SLC4A4: variants seen among roughly 807,000 people sequenced by gnomAD.
The protein encoded by SLC4A4 is electrogenic sodium bicarbonate cotransporter 1.
Under a neutral mutation model 111.5 loss-of-function variants are expected in SLC4A4, and 27 were observed. The ratio of observed to expected loss-of-function variants is 0.24; its 90% CI spans 0.18 to 0.33. SLC4A4 has a LOEUF of 0.33. Ranked by LOEUF, SLC4A4 falls within the 10% of genes least tolerant of loss-of-function variation. The pLI is 1.00. For missense variants in SLC4A4, 909 were observed against 1,315.5 expected, an observed-to-expected ratio of 0.69 and a Z score of 4.78; for synonymous variants, 443 against 463.4, an observed-to-expected ratio of 0.96 and a Z score of 0.57.
At chr4:71,463,157 C>T (rs982877061) in intron 12 of SLC4A4, among the ~76,000 whole-genome samples, 9 of 152,140 alleles carry the variant, frequency 5.9e-5, no homozygotes, top group Non-Finnish European at 1.0e-4. Flanking sequence ...TTTGTGGCAT[C>T]CTATTGCTCC....
intron 3 of SLC4A4, among the ~76,000 whole-genome samples, chr4:71,310,115 A>C (rs1249131266): frequency 6.6e-6 from 1 of 151,936 alleles, no homozygotes; most frequent in East Asian, 1.9e-4. Context: ...GAAATAAAGC[A>C]TGAAGACAAG....
intron 7 of SLC4A4, among the ~76,000 whole-genome samples, chr4:71,400,805 G>C (rs140412666): frequency 1.3e-5 from 2 of 152,046 alleles, no homozygotes; most frequent in Admixed American, 1.3e-4. Context: ...AGATGAAGCT[G>C]TGATAAACTC....
intron 6 of SLC4A4, among the ~76,000 whole-genome samples, chr4:71,383,319 A>G (rs2148954082): frequency 6.6e-6 from 1 of 152,340 alleles, no homozygotes; most frequent in South Asian, 2.1e-4. Flanking sequence ...GTAAATAATT[A>G]CTAATGACCT....
In SLC4A4 at chr4:71,326,250, A is replaced by G. The variant is rs190061502; in HGVS notation, c.254-13120A>G. Among the ~76,000 whole-genome samples, 272 of 152,074 alleles carry G rather than the reference A, an allele frequency of 1.8e-3. 9 individuals carry two copies. Among genetic ancestry groups the G allele is most frequent in the Admixed American group, 0.017 (256 of 15,244 alleles). Reference sequence around the variant, plus strand: ...TAGGGGGCTGTTTCAAATGATAAATACACCACCGTGACAGTCCTTTGATAC... The same window carrying G: ...TAGGGGGCTGTTTCAAATGATAAATGCACCACCGTGACAGTCCTTTGATAC... On this transcript the variant is annotated intron_variant, in intron 3 of 25. Transcript: ENST00000264485.
intron 1 of SLC4A4, among the ~76,000 whole-genome samples, chr4:71,232,900 T>C (rs1433310733): frequency 6.6e-6 from 1 of 152,240 alleles, no homozygotes. Flanking sequence ...AAAGGGTTAG[T>C]TCTGATAGGA....
intron 2 of SLC4A4, among the ~76,000 whole-genome samples, chr4:71,177,409 T>C (rs1745129985): frequency 6.6e-6 from 1 of 152,088 alleles, no homozygotes; most frequent in African/African-American, 2.4e-5. Context: ...TCAAGACCCA[T>C]CAGTGTGCTA....
At chr4:71,473,347 A>G (rs1728064345) in intron 14 of SLC4A4, 1 of 505,132 alleles carries the variant, frequency 2.0e-6, no homozygotes. Context: ...TTATTGGTGT[A>G]GGAATGTCTT....
At chr4:71,517,446 A>G (rs1732512373) in intron 16 of SLC4A4, among the ~76,000 whole-genome samples, 2 of 152,020 alleles carry the variant, frequency 1.3e-5, no homozygotes, top group South Asian at 2.1e-4. Context: ...TTTTCTTTTA[A>G]TAATTTCATT....
intron 6 of SLC4A4, among the ~76,000 whole-genome samples, chr4:71,374,449 T>C (rs1397075572): frequency 6.6e-6 from 1 of 152,218 alleles, no homozygotes; most frequent in Non-Finnish European, 1.5e-5. Flanking sequence ...TTAGTTAACG[T>C]AAGACATTCA....
chr4:71,481,923 C>T (rs1204052372), intron 14 of SLC4A4, among the ~76,000 whole-genome samples: 2 of 151,604 alleles, frequency 1.3e-5, no homozygotes, highest in Non-Finnish European at 3.0e-5. Flanking sequence ...AGCCAGATTC[C>T]TAGGGCAAAG....
intron 6 of SLC4A4, among the ~76,000 whole-genome samples, chr4:71,379,959 T>G (rs1303227424): frequency 6.6e-6 from 1 of 152,168 alleles, no homozygotes; most frequent in African/African-American, 2.4e-5. Flanking sequence ...ACATAGGGCC[T>G]GATACACAGA....
intron 1 of SLC4A4, among the ~76,000 whole-genome samples, chr4:71,082,487 G>T (rs1027998653): frequency 1.3e-5 from 2 of 151,916 alleles, no homozygotes; most frequent in African/African-American, 2.4e-5. Flanking sequence ...GTTTATCATT[G>T]GTTGGTGCAG....
rs926297345 is a variant in SLC4A4, at chr4:71,504,116, G to A, written c.2166+6424G>A. On this transcript the variant is annotated intron_variant, in intron 16 of 25. Coordinates refer to ENST00000264485, the MANE Select transcript of SLC4A4 (RefSeq NM_001098484.3). Reference sequence around the variant, plus strand: ...TTGTCTTTAGCTTTTGACAGTTTGAGTATTAATATGCCTTGGAGAACATTG... The same window carrying A: ...TTGTCTTTAGCTTTTGACAGTTTGAATATTAATATGCCTTGGAGAACATTG... Among the ~76,000 whole-genome samples, 5 of 152,236 alleles carry A rather than the reference G, an allele frequency of 3.3e-5. No homozygotes were observed. In the South Asian group the frequency reaches 1.0e-3, roughly 32 times the overall value.
intron 3 of SLC4A4, among the ~76,000 whole-genome samples, chr4:71,318,628 C>G (rs2148864153): frequency 6.6e-6 from 1 of 152,132 alleles, no homozygotes; most frequent in East Asian, 1.9e-4. Context: ...TCACAAGTAA[C>G]TCTTAAATAG....
At chr4:71,179,788 A>G (rs1450228175) in intron 2 of SLC4A4, among the ~76,000 whole-genome samples, 3 of 152,204 alleles carry the variant, frequency 2.0e-5, no homozygotes, top group African/African-American at 7.2e-5. Context: ...AAGGTAATTT[A>G]TAGATTCAAT....
intron 16 of SLC4A4, among the ~76,000 whole-genome samples, chr4:71,511,041 A>G (rs1560574551): frequency 6.6e-6 from 1 of 152,088 alleles, no homozygotes; most frequent in Non-Finnish European, 1.5e-5. Context: ...TTTGGATTTT[A>G]CAATGTATAT....
chr4:71,563,913 T>C, intron 24 of SLC4A4, 24 bp downstream of exon 24: 3 of 1,430,310 alleles, frequency 2.1e-6, no homozygotes, highest in Non-Finnish European at 3.0e-6. Flanking sequence ...ACCTCTTGCA[T>C]GCTTGCTTGA....
At chr4:71,327,430 T>A (rs1228820925) in intron 3 of SLC4A4, among the ~76,000 whole-genome samples, 1 of 152,022 alleles carries the variant, frequency 6.6e-6, no homozygotes, top group African/African-American at 2.4e-5. Context: ...GGGTTTGAAG[T>A]CATATCACTT....
At chr4:71,519,990 T>C (rs939480923) in intron 16 of SLC4A4, among the ~76,000 whole-genome samples, 29 of 152,186 alleles carry the variant, frequency 1.9e-4, no homozygotes, top group African/African-American at 7.0e-4. Flanking sequence ...AAATATGTTT[T>C]AATTTAAGCT....
Sources: allele counts gnomAD v4.1 joint callset (sites outside exome capture counted in the v4.1 genomes callset), GRCh38; gene constraint gnomAD v4.1.1; transcripts MANE v1.5; gene names NCBI Gene and HGNC (gene_info 2026-07-23, HGNC 2026-07-21).